The following FAM107B variants were observed in gnomAD, a reference collection of about 807,000 sequenced individuals.
FAM107B encodes the protein protein FAM107B.
FAM107B carries 21 observed loss-of-function variants against 31.5 expected under a neutral mutation model. The ratio of observed to expected loss-of-function variants is 0.67; its 90% CI spans 0.47 to 0.96. The LOEUF is 0.96. Ranked by LOEUF, FAM107B falls within the 40% of genes least tolerant of loss-of-function variation. The probability of loss-of-function intolerance (pLI) is 0.00; values close to 1 mark genes in which losing one functional copy is unlikely to be tolerated. For synonymous variants in FAM107B, 157 were observed against 141.5 expected (o/e 1.11, Z -0.78); for missense variants, 452 against 377.1 (o/e 1.20, Z -1.64).
rs192355628 is a variant in FAM107B, at chr10:14,621,491, G to A, written c.469+46143C>T. Among the ~76,000 whole-genome samples the A allele has an allele frequency of 5.9e-5, 9 of 152,286 alleles. No individual in the cohort carries two copies. In the East Asian group the frequency reaches 1.3e-3, roughly 23 times the overall value. On this transcript the variant is annotated intron_variant, in intron 2 of 4. Coordinates refer to ENST00000181796, the MANE Select transcript of FAM107B (RefSeq NM_031453.4). Reference sequence around the variant, plus strand: ...TATGAAATGGGACATTTTGTGGCTAGACATAAGCCAACGCCACAGGGCAAG... The same window carrying A: ...TATGAAATGGGACATTTTGTGGCTAAACATAAGCCAACGCCACAGGGCAAG...
intron 2 of FAM107B, among the ~76,000 whole-genome samples, chr10:14,631,384 C>A (rs961803163): frequency 6.6e-6 from 1 of 152,176 alleles, no homozygotes; most frequent in African/African-American, 2.4e-5. Context: ...CTTGTCTATC[C>A]TTTTACATTG....
At chr10:14,646,187 TG>T (rs1564612841) in intron 2 of FAM107B, among the ~76,000 whole-genome samples, 1 of 152,328 alleles carries the variant, frequency 6.6e-6, no homozygotes, top group African/African-American at 2.4e-5. Flanking sequence ...CTTAAAAAAA[TG>T]TTTTTTTTAT....
intron 2 of FAM107B, chr10:14,604,229 G>A (rs1588653101): frequency 2.0e-6 from 2 of 979,800 alleles, no homozygotes; most frequent in African/African-American, 3.5e-5. Context: ...AAGTGCGGGA[G>A]GCGAACCTAC....
At chr10:14,694,354 T>A (rs1423033795) in intron 1 of FAM107B, among the ~76,000 whole-genome samples, 1 of 152,222 alleles carries the variant, frequency 6.6e-6, no homozygotes, top group East Asian at 1.9e-4. Flanking sequence ...AGGGTTCCCT[T>A]TTCTCTGCAC....
intron 1 of FAM107B, among the ~76,000 whole-genome samples, chr10:14,772,315 C>A (rs1833322101): frequency 6.6e-6 from 1 of 151,508 alleles, no homozygotes. Context: ...GATCGTGCCA[C>A]TGCACTCCAG....
At chr10:14,586,892 A>C (rs1327055372) in intron 2 of FAM107B, among the ~76,000 whole-genome samples, 2 of 152,214 alleles carry the variant, frequency 1.3e-5, no homozygotes, top group African/African-American at 4.8e-5. Context: ...AAACTAGGCT[A>C]CATTTCAGGT....
intron 1 of FAM107B, among the ~76,000 whole-genome samples, chr10:14,708,485 C>T (rs1473535777): frequency 6.6e-6 from 1 of 152,136 alleles, no homozygotes; most frequent in Non-Finnish European, 1.5e-5. Flanking sequence ...CAGGGTATTT[C>T]CTACTCAGGA....
intron 2 of FAM107B, chr10:14,663,495 G>C (rs11259249): frequency 0.18 from 28,125 of 152,136 alleles, 2,658 homozygotes; most frequent in Middle Eastern, 0.26. Context: ...GGTCGTAGAC[G>C]GTAAACTTCA....
At chr10:14,691,191 G>A (rs182948560) in intron 1 of FAM107B, among the ~76,000 whole-genome samples, 20 of 152,166 alleles carry the variant, frequency 1.3e-4, no homozygotes, top group East Asian at 5.8e-4. Context: ...ATGAGCCCCC[G>A]TACCCAGCCC....
chr10:14,536,722 G>A (rs893373179), intron 2 of FAM107B, among the ~76,000 whole-genome samples: 86 of 152,204 alleles, frequency 5.7e-4, no homozygotes, highest in Middle Eastern at 3.4e-3. Flanking sequence ...TAGAAACGAC[G>A]TCCCACCAGA....
chr10:14,722,721 A>G (rs1444127157), intron 1 of FAM107B, among the ~76,000 whole-genome samples: 1 of 152,192 alleles, frequency 6.6e-6, no homozygotes, highest in Non-Finnish European at 1.5e-5. Context: ...TAAGTCTCTT[A>G]TCAGATATAT....
chr10:14,671,684 G>C (rs550858352), intron 1 of FAM107B, among the ~76,000 whole-genome samples: 2 of 152,198 alleles, frequency 1.3e-5, no homozygotes, highest in South Asian at 4.1e-4. Context: ...GGTTGCAGCT[G>C]CTACTGTAGG....
intron 2 of FAM107B, among the ~76,000 whole-genome samples, chr10:14,641,691 A>T (rs957203472): frequency 1.3e-5 from 2 of 152,184 alleles, no homozygotes; most frequent in African/African-American, 4.8e-5. Flanking sequence ...CCTCATCTGA[A>T]CCTAATTGGG....
intron 1 of FAM107B, among the ~76,000 whole-genome samples, chr10:14,728,045 T>TC (rs1856076627): frequency 6.6e-6 from 1 of 151,968 alleles, no homozygotes; most frequent in Non-Finnish European, 1.5e-5. Context: ...GCCACCCTCC[T>TC]CCCCCCATAC....
chr10:14,570,632 T>C (rs1026691959), intron 2 of FAM107B, among the ~76,000 whole-genome samples: 2 of 152,064 alleles, frequency 1.3e-5, no homozygotes, highest in Non-Finnish European at 2.9e-5. Context: ...TGAAACCTCA[T>C]CTCTACTAAA....
intron 3 of FAM107B, chr10:14,527,999 C>CTT (rs57985098): frequency 2.3e-3 from 710 of 306,280 alleles, no homozygotes; most frequent in East Asian, 0.01. Flanking sequence ...TCTGCCTTTT[C>CTT]TTTTTTTTTT....
At chr10:14,762,752 TCTCACACACACA>T (rs1276656309) in intron 1 of FAM107B, among the ~76,000 whole-genome samples, 1,277 of 117,564 alleles carry the variant, frequency 0.011, 16 homozygotes, top group African/African-American at 0.033. Flanking sequence ...TGAAACTCTG[TCTCACACACACA>T]CACACACACA....
intron 1 of FAM107B, among the ~76,000 whole-genome samples, chr10:14,682,787 T>C (rs545982520): frequency 1.3e-5 from 2 of 152,114 alleles, no homozygotes; most frequent in African/African-American, 2.4e-5. Flanking sequence ...AAATACCTAA[T>C]GTAGATGATG....
chr10:14,756,606 G>C (rs575868602), intron 1 of FAM107B, among the ~76,000 whole-genome samples: 6 of 152,202 alleles, frequency 3.9e-5, no homozygotes, highest in Admixed American at 3.9e-4. Flanking sequence ...ACAGTGTGGT[G>C]ATTCTTCAAA....
Sources: gnomAD v4.1 joint callset for allele counts (sites outside exome capture counted in the v4.1 genomes callset) on GRCh38, gnomAD v4.1.1 for gene constraint, MANE v1.5 for transcripts, NCBI Gene and HGNC (gene_info 2026-07-23, HGNC 2026-07-21) for gene names.